Variants in PPFIA2 observed in about 807,000 individuals in gnomAD.
The protein encoded by PPFIA2 is PPFI scaffold protein A2.
Under a neutral mutation model 175.5 loss-of-function variants are expected in PPFIA2, and 46 were observed. The ratio of observed to expected loss-of-function variants is 0.26; its 90% CI spans 0.21 to 0.34. The LOEUF (loss-of-function observed/expected upper bound fraction) is 0.34. Ranked by LOEUF, PPFIA2 falls within the 10% of genes least tolerant of loss-of-function variation. The pLI, the probability that PPFIA2 is intolerant of heterozygous loss-of-function variation, is 1.00. For synonymous variants in PPFIA2, 568 were observed against 511.4 expected (o/e 1.11, Z -1.49); for missense variants, 1,179 against 1,506.1 (o/e 0.78, Z 3.60).
At chr12:81,536,817 G>C (rs2065465994) in intron 4 of PPFIA2, among the ~76,000 whole-genome samples, 1 of 146,744 alleles carries the variant, frequency 6.8e-6, no homozygotes, top group Admixed American at 6.8e-5. Flanking sequence ...AATTATCTCT[G>C]AGATGTGGTA....
At chr12:81,398,057 A>G (rs933371688) in intron 8 of PPFIA2, among the ~76,000 whole-genome samples, 1 of 151,978 alleles carries the variant, frequency 6.6e-6, no homozygotes, top group Admixed American at 6.6e-5. Context: ...ATTTCAATGT[A>G]ATAATTTAAA....
intron 7 of PPFIA2, among the ~76,000 whole-genome samples, chr12:81,420,676 C>A (rs2046081086): frequency 1.3e-5 from 2 of 151,018 alleles, no homozygotes. Context: ...TATGGAACAC[C>A]ATCAAGTGGG....
chr12:81,600,575 A>G (rs2059685195), intron 4 of PPFIA2, among the ~76,000 whole-genome samples: 1 of 152,008 alleles, frequency 6.6e-6, no homozygotes, highest in Non-Finnish European at 1.5e-5. Flanking sequence ...ATTTTTTCAA[A>G]TTAATATTTT....
intron 4 of PPFIA2, chr12:81,598,107 C>A: frequency 6.5e-7 from 1 of 1,528,872 alleles, no homozygotes; most frequent in South Asian, 1.2e-5. Flanking sequence ...CAGATAAATC[C>A]GTGCATGCAT....
chr12:81,681,527 A>G (rs1280792156), intron 3 of PPFIA2, among the ~76,000 whole-genome samples: 1 of 151,970 alleles, frequency 6.6e-6, no homozygotes, highest in Non-Finnish European at 1.5e-5. Flanking sequence ...AGGAGTCTAC[A>G]TTGCACTGCA....
At chr12:81,390,866 G>T (rs2039988916) in intron 8 of PPFIA2, among the ~76,000 whole-genome samples, 1 of 151,272 alleles carries the variant, frequency 6.6e-6, no homozygotes, top group Non-Finnish European at 1.5e-5. Context: ...CCAACAGAAG[G>T]TCATAAAGAT....
At chr12:81,557,870 T>C (rs1373518336) in intron 4 of PPFIA2, among the ~76,000 whole-genome samples, 1 of 152,030 alleles carries the variant, frequency 6.6e-6, no homozygotes, top group Non-Finnish European at 1.5e-5. Context: ...AAAATATAAT[T>C]ACAAACTCTC....
intron 6 of PPFIA2, among the ~76,000 whole-genome samples, chr12:81,441,348 T>A (rs2050142820): frequency 6.6e-6 from 1 of 152,020 alleles, no homozygotes; most frequent in Non-Finnish European, 1.5e-5. Context: ...AGACCTTGAA[T>A]CAGCAATAAA....
chr12:81,283,616 GAA>G (rs1048349098), intron 25 of PPFIA2, among the ~76,000 whole-genome samples: 4 of 151,980 alleles, frequency 2.6e-5, no homozygotes, highest in Admixed American at 1.3e-4. Flanking sequence ...GGATAACACT[GAA>G]AAGACATTAA....
intron 5 of PPFIA2, among the ~76,000 whole-genome samples, chr12:81,447,593 A>C (rs1043080426): frequency 6.6e-6 from 1 of 152,152 alleles, no homozygotes. Flanking sequence ...TCTCTATTTC[A>C]ATCCCTTACT....
intron 3 of PPFIA2, among the ~76,000 whole-genome samples, chr12:81,685,390 C>T (rs1411615620): frequency 6.6e-6 from 1 of 151,954 alleles, no homozygotes; most frequent in Non-Finnish European, 1.5e-5. Flanking sequence ...CCTATGTAAG[C>T]CAAAAGGTGT....
intron 22 of PPFIA2, among the ~76,000 whole-genome samples, chr12:81,304,823 T>G (rs2048756792): frequency 6.6e-6 from 1 of 152,046 alleles, no homozygotes; most frequent in Non-Finnish European, 1.5e-5. Flanking sequence ...GAGTTTATTC[T>G]AAACATAGTA....
Position 81,259,608 on chromosome 12 carries a change from C to A in PPFIA2, c.*86G>T. 1 of 1,528,362 alleles carries A rather than the reference C, an allele frequency of 6.5e-7. No homozygotes were observed. The highest frequency in any genetic ancestry group is 1.2e-5 in the South Asian group (1 of 83,850). The allele number at this position is 1,528,362 out of a possible 1,614,324, so 94.7% of individuals were successfully genotyped here. On this transcript the variant is annotated 3_prime_UTR_variant, in exon 33 of 33. Transcript: ENST00000549396. ...AGTTTTCACAAAGGTTTTCACTGCTCGTCTTCTTAGATGGTAGTGCACTTT... is the reference window on the plus strand; with the variant it reads ...AGTTTTCACAAAGGTTTTCACTGCTAGTCTTCTTAGATGGTAGTGCACTTT...
At chr12:81,576,862 TG>T (rs2073647506) in intron 4 of PPFIA2, among the ~76,000 whole-genome samples, 1 of 151,786 alleles carries the variant, frequency 6.6e-6, no homozygotes, top group South Asian at 2.1e-4. Flanking sequence ...AGGGAGGGAT[TG>T]GTAATTTATT....
At chr12:81,374,566 C>T in intron 11 of PPFIA2, 68 bp downstream of exon 11, 1 of 1,486,096 alleles carries the variant, frequency 6.7e-7, no homozygotes. Context: ...AATCTTTACA[C>T]ATTCCATTTT....
rs1000056115 is a variant in PPFIA2, at chr12:81,538,547, T to A, written c.304-80681A>T. Among the ~76,000 whole-genome samples, 8 of 152,022 alleles carry A rather than the reference T, an allele frequency of 5.3e-5. 1 individual carries two copies. Among genetic ancestry groups the A allele is most frequent in the African/African-American group, 1.9e-4 (8 of 41,510 alleles). ...ATGCTGAGGATGAGGGAAGGGGTAT[T>A]GCCATTTTAAGTTGGGAAGTCCCAG... On this transcript the variant is annotated intron_variant, in intron 4 of 32. Transcript: ENST00000549396.
chr12:81,727,252 C>T (rs1194533139), intron 3 of PPFIA2, among the ~76,000 whole-genome samples: 1 of 151,274 alleles, frequency 6.6e-6, no homozygotes, highest in Admixed American at 6.6e-5. Flanking sequence ...GGTTCATGAG[C>T]ACCTTCTGAA....
chr12:81,705,330 C>T (rs1350361696), intron 3 of PPFIA2, among the ~76,000 whole-genome samples: 3 of 150,596 alleles, frequency 2.0e-5, no homozygotes, highest in African/African-American at 7.3e-5. Context: ...GTGGTGGGCG[C>T]CTGTAATCCC....
At chr12:81,660,873 T>A (rs1036602917) in intron 4 of PPFIA2, among the ~76,000 whole-genome samples, 1 of 151,996 alleles carries the variant, frequency 6.6e-6, no homozygotes. Context: ...ACAAGCCAGA[T>A]GAGAGTGGGG....
Sources: gnomAD v4.1 joint callset for allele counts (sites outside exome capture counted in the v4.1 genomes callset) on GRCh38, gnomAD v4.1.1 for gene constraint, MANE v1.5 for transcripts, NCBI Gene and HGNC (gene_info 2026-07-23, HGNC 2026-07-21) for gene names.